The following LUZP2 variants were observed in gnomAD, a reference collection of about 807,000 sequenced individuals.
LUZP2 encodes the protein leucine zipper protein 2.
In LUZP2, 52 loss-of-function variants were observed where a neutral mutation model predicts 51.6. The observed-to-expected ratio is 1.01, with a 90% CI of 0.81 to 1.27. LUZP2 has a LOEUF of 1.27. Ranked by LOEUF, LUZP2 falls within the 50% of genes most tolerant of loss-of-function variation. LUZP2 has a pLI of 0.00. For missense variants in LUZP2, 436 were observed against 395.4 expected (o/e 1.10, Z -0.87); for synonymous variants, 154 against 137.3 (o/e 1.12, Z -0.85).
intron 7 of LUZP2, among the ~76,000 whole-genome samples, chr11:24,947,815 A>T (rs1854942296): frequency 6.6e-6 from 1 of 151,762 alleles, no homozygotes; most frequent in Non-Finnish European, 1.5e-5. Flanking sequence ...ATCATGAGAA[A>T]GCCGCTGTTG....
At chr11:25,061,517 G>A (rs1409132472) in intron 10 of LUZP2, among the ~76,000 whole-genome samples, 1 of 152,098 alleles carries the variant, frequency 6.6e-6, no homozygotes, top group East Asian at 1.9e-4. Context: ...AATTGAATGG[G>A]TGAACCGCAT....
intron 7 of LUZP2, among the ~76,000 whole-genome samples, chr11:24,926,438 C>CGT (rs1319414009): frequency 8.9e-5 from 6 of 67,228 alleles, no homozygotes; most frequent in African/African-American, 3.3e-4. Context: ...TATATATATA[C>CGT]GTGTATATAT....
rs568469725 is a variant in LUZP2, at chr11:24,541,548, A to C, written c.62+44243A>C. On this transcript the variant is annotated intron_variant, in intron 1 of 11. Coordinates refer to ENST00000336930, the MANE Select transcript of LUZP2 (RefSeq NM_001009909.4). ...CATCTTCATTTTCAGTCTAACCTTTAGATTTAATGTGTATGGATGTTTTGT... is the reference window on the plus strand; with the variant it reads ...CATCTTCATTTTCAGTCTAACCTTTCGATTTAATGTGTATGGATGTTTTGT... 3.9e-4 allele frequency among the ~76,000 whole-genome samples: 60 copies of C among 152,206 alleles called. 1 individual carries two copies. In the South Asian group the frequency reaches 0.012, roughly 29 times the overall value.
intron 11 of LUZP2, 130 bp downstream of exon 11, chr11:25,077,536 A>C (rs1348614724): frequency 7.7e-6 from 2 of 260,388 alleles, no homozygotes; most frequent in African/African-American, 4.6e-5. Flanking sequence ...GTCTTGCTCT[A>C]TCTCCCAGGC....
chr11:24,745,107 G>A (rs893479467), intron 4 of LUZP2, among the ~76,000 whole-genome samples: 2 of 152,050 alleles, frequency 1.3e-5, no homozygotes, highest in African/African-American at 2.4e-5. Flanking sequence ...TAAACTTATT[G>A]AGACTTGTTT....
chr11:24,511,153 C>T (rs2133775862), intron 1 of LUZP2, among the ~76,000 whole-genome samples: 1 of 152,240 alleles, frequency 6.6e-6, no homozygotes, highest in East Asian at 1.9e-4. Context: ...TCCCTTCTGA[C>T]TGTTTATGTA....
chr11:25,047,033 A>C (rs1858334567), intron 9 of LUZP2, among the ~76,000 whole-genome samples: 1 of 152,122 alleles, frequency 6.6e-6, no homozygotes, highest in Non-Finnish European at 1.5e-5. Flanking sequence ...TTTGCAAGGA[A>C]ATTTTGGGAC....
At chr11:25,044,020 C>A (rs1256786180) in intron 9 of LUZP2, among the ~76,000 whole-genome samples, 1 of 133,504 alleles carries the variant, frequency 7.5e-6, no homozygotes, top group Non-Finnish European at 1.6e-5. Flanking sequence ...CTATATATAT[C>A]TGATATATAT....
At chr11:24,625,053 G>A (rs1170052382) in intron 1 of LUZP2, among the ~76,000 whole-genome samples, 1 of 152,050 alleles carries the variant, frequency 6.6e-6, no homozygotes, top group African/African-American at 2.4e-5. Context: ...GATGAAACTG[G>A]ATGACATAAT....
chr11:25,019,179 C>A (rs764872139), intron 9 of LUZP2, among the ~76,000 whole-genome samples: 2 of 151,994 alleles, frequency 1.3e-5, no homozygotes, highest in Non-Finnish European at 2.9e-5. Flanking sequence ...GACATGTGTC[C>A]CACCTTATAG....
chr11:24,911,745 G>A (rs1291166157), intron 6 of LUZP2, among the ~76,000 whole-genome samples: 2 of 152,188 alleles, frequency 1.3e-5, no homozygotes, highest in African/African-American at 4.8e-5. Flanking sequence ...CATAGATGCT[G>A]TACTTGAAAT....
At chr11:24,626,448 C>T (rs776126723) in intron 1 of LUZP2, among the ~76,000 whole-genome samples, 1 of 152,196 alleles carries the variant, frequency 6.6e-6, no homozygotes. Context: ...TATAATTTCA[C>T]AGTGAATCAC....
chr11:24,523,552 A>G (rs1237154196), intron 1 of LUZP2, among the ~76,000 whole-genome samples: 3 of 150,506 alleles, frequency 2.0e-5, no homozygotes, highest in Non-Finnish European at 4.4e-5. Flanking sequence ...AATCTATTAT[A>G]TATATATTAG....
intron 1 of LUZP2, among the ~76,000 whole-genome samples, chr11:24,578,104 A>G (rs912721943): frequency 1.3e-5 from 2 of 152,102 alleles, no homozygotes; most frequent in Non-Finnish European, 2.9e-5. Flanking sequence ...AAAAACTCAA[A>G]CATAAATACT....
At chr11:24,504,422 G>A (rs1440712464) in intron 1 of LUZP2, among the ~76,000 whole-genome samples, 5 of 152,178 alleles carry the variant, frequency 3.3e-5, no homozygotes, top group African/African-American at 4.8e-5. Context: ...TCAGATGGTT[G>A]TAGAATATTC....
intron 5 of LUZP2, among the ~76,000 whole-genome samples, chr11:24,799,626 CA>C (rs1849640338): frequency 6.6e-6 from 1 of 151,454 alleles, no homozygotes; most frequent in South Asian, 2.1e-4. Flanking sequence ...CCAGGACCAG[CA>C]AAAGTGAGTT....
At chr11:24,748,992 A>G (rs1038799864) in intron 4 of LUZP2, among the ~76,000 whole-genome samples, 2 of 152,232 alleles carry the variant, frequency 1.3e-5, no homozygotes, top group South Asian at 4.1e-4. Flanking sequence ...CCCTTCAATT[A>G]GAAATGGAAA....
At chr11:24,784,155 C>CT (rs992215196) in intron 5 of LUZP2, among the ~76,000 whole-genome samples, 2 of 151,758 alleles carry the variant, frequency 1.3e-5, no homozygotes, top group Non-Finnish European at 1.5e-5. Flanking sequence ...ACAGAACTTC[C>CT]TTTTTTCAGT....
chr11:24,772,494 C>T (rs777914674), intron 5 of LUZP2, among the ~76,000 whole-genome samples: 1 of 152,126 alleles, frequency 6.6e-6, no homozygotes, highest in African/African-American at 2.4e-5. Flanking sequence ...TTAATTATAA[C>T]TTTCTTTTTT....
Sources: gnomAD v4.1 joint callset for allele counts (sites outside exome capture counted in the v4.1 genomes callset) on GRCh38, gnomAD v4.1.1 for gene constraint, MANE v1.5 for transcripts, NCBI Gene and HGNC (gene_info 2026-07-23, HGNC 2026-07-21) for gene names.